Variants in TRIM43B observed in about 807,000 individuals in gnomAD.
The protein encoded by TRIM43B is tripartite motif containing 43B.
Under a neutral mutation model 27.0 loss-of-function variants are expected in TRIM43B, and 15 were observed. That is an observed-to-expected ratio of 0.55 (90% CI 0.37 to 0.85). TRIM43B has a LOEUF of 0.85. Ranked by LOEUF, TRIM43B falls within the 40% of genes least tolerant of loss-of-function variation. The pLI is 0.00. For missense variants in TRIM43B, 172 were observed against 289.8 expected (o/e 0.59, Z 2.95); for synonymous variants, 69 against 97.8 (o/e 0.71, Z 1.74).
chr2:95,484,125 C>A (rs1355572174), intron 1 of TRIM43B, among the ~76,000 whole-genome samples: 6 of 147,996 alleles, frequency 4.1e-5, no homozygotes, highest in African/African-American at 1.5e-4. Flanking sequence ...AATCCCAACA[C>A]TTTCAGAGGC....
chr2:95,484,081 A>G (rs1683591079), intron 1 of TRIM43B, among the ~76,000 whole-genome samples: 1 of 149,842 alleles, frequency 6.7e-6, no homozygotes, highest in African/African-American at 2.4e-5. Context: ...AAAAAAAAAA[A>G]AAAAAAAGGC....
At chr2:95,482,200 C>A in intron 2 of TRIM43B, 104 bp downstream of exon 2, 2 of 1,117,860 alleles carry the variant, frequency 1.8e-6, no homozygotes, top group Non-Finnish European at 1.3e-6. Context: ...CAGCACCTGG[C>A]ACTCAGTAAA....
intron 3 of TRIM43B, 71 bp downstream of exon 3, chr2:95,481,524 A>C (rs1213907039): frequency 8.7e-7 from 1 of 1,151,114 alleles, no homozygotes; most frequent in Non-Finnish European, 1.2e-6. Context: ...TTTCAACTCA[A>C]GTTGCTAATA....
At position 95,481,594 on chromosome 2, in the gene TRIM43B, C is replaced by T; in HGVS notation, c.507+1G>A. 2 of 1,610,676 alleles carry T rather than the reference C, an allele frequency of 1.2e-6. No homozygotes were observed. Among genetic ancestry groups the T allele is most frequent in the South Asian group, 1.1e-5 (1 of 90,352 alleles). On this transcript the variant is annotated splice_donor_variant, in intron 3 of 6. Coordinates refer to ENST00000639673, the Ensembl canonical transcript of TRIM43B. LOFTEE classifies it high-confidence loss of function. The stretch of plus-strand genomic sequence containing the variant: ...AGGAGGACTCACGGTCTCATACTTA[C>T]CCTCAAGAGGAAGGCTGTTCTTCTC...
Position 95,481,584 on chromosome 2 carries a change from C to T in TRIM43B, c.507+11G>A, listed in dbSNP as rs1414523840. On this transcript the variant is annotated intron_variant, in intron 3 of 6. Coordinates refer to ENST00000639673, the Ensembl canonical transcript of TRIM43B. ...CAAGCTGGTCAGGAGGACTCACGGT[C>T]TCATACTTACCCTCAAGAGGAAGGC... The T allele has an allele frequency of 3.1e-6, 5 of 1,607,282 alleles. No individual in the cohort carries two copies. The highest frequency in any genetic ancestry group is 4.2e-6 in the Non-Finnish European group (5 of 1,177,062).
At chr2:95,483,849 AC>A (rs1558814755) in intron 1 of TRIM43B, among the ~76,000 whole-genome samples, 1 of 151,876 alleles carries the variant, frequency 6.6e-6, no homozygotes, top group Non-Finnish European at 1.5e-5. Flanking sequence ...AAAAACAAAA[AC>A]AAAAACGAGG....
chr2:95,480,458 T>C (rs1455649350), exon 4 of TRIM43B: 14 of 1,601,334 alleles, frequency 8.7e-6, no homozygotes, highest in Non-Finnish European at 9.4e-6. Context: ...CTAAATGTTG[T>C]TTTTCTTCCT....
intron 1 of TRIM43B, among the ~76,000 whole-genome samples, chr2:95,483,725 G>A (rs1450469016): frequency 3.9e-5 from 6 of 152,008 alleles, no homozygotes; most frequent in East Asian, 1.9e-4. Flanking sequence ...CTACTCTGGA[G>A]GCGGGGCCTG....
intron 1 of TRIM43B, among the ~76,000 whole-genome samples, chr2:95,483,743 G>A (rs1683580568): frequency 6.6e-6 from 1 of 151,980 alleles, no homozygotes; most frequent in South Asian, 2.1e-4. Context: ...CTGGAGAATG[G>A]CGTGAACCCG....
exon 2 of TRIM43B, chr2:95,482,333 G>A (rs371134371): frequency 2.5e-6 from 4 of 1,611,560 alleles, no homozygotes; most frequent in Admixed American, 1.7e-5. Context: ...TCTTCGATGG[G>A]ATAGTGTTTG....
At chr2:95,483,396 A>T in intron 1 of TRIM43B, among the ~76,000 whole-genome samples, 1 of 152,074 alleles carries the variant, frequency 6.6e-6, no homozygotes, top group Non-Finnish European at 1.5e-5. Context: ...TAATTTGGGG[A>T]TATACTGGTT....
At chr2:95,484,234 T>A (rs1427998494) in intron 1 of TRIM43B, among the ~76,000 whole-genome samples, 1 of 151,494 alleles carries the variant, frequency 6.6e-6, no homozygotes, top group Admixed American at 6.6e-5. Flanking sequence ...TAGATGGGCG[T>A]GGTGGCAGGC....
intron 1 of TRIM43B, 147 bp downstream of exon 1, chr2:95,484,459 A>T (rs1292634904): frequency 7.9e-6 from 1 of 127,078 alleles, no homozygotes; most frequent in Non-Finnish European, 1.7e-5. Flanking sequence ...AAATAATTTT[A>T]AAAAAGAAAT....
At chr2:95,483,858 A>C (rs914802450) in intron 1 of TRIM43B, among the ~76,000 whole-genome samples, 3 of 151,908 alleles carry the variant, frequency 2.0e-5, no homozygotes, top group African/African-American at 7.3e-5. Flanking sequence ...AACAAAAACG[A>C]GGCACTAGAC....
In TRIM43B at chr2:95,482,830, T is replaced by C. The variant is rs1176988011; in HGVS notation, c.-4-112A>G. 10 of 1,522,354 alleles carry C rather than the reference T, an allele frequency of 6.6e-6. 1 individual carries two copies. Among genetic ancestry groups the C allele is most frequent in the African/African-American group, 1.4e-5 (1 of 71,740 alleles). 94.3% of individuals were successfully genotyped at this position (1,522,354 alleles called of 1,614,324 possible). On this transcript the variant is annotated intron_variant, in intron 1 of 6. Coordinates refer to ENST00000639673, the Ensembl canonical transcript of TRIM43B. Reference sequence around the variant, plus strand: ...AATATCCTTTCTTTCTAAAGAAGTATAGGTTTTAATTTGCAATGACAGAAA... The same window carrying C: ...AATATCCTTTCTTTCTAAAGAAGTACAGGTTTTAATTTGCAATGACAGAAA...
Position 95,482,849 on chromosome 2 carries a change from A to G in TRIM43B, c.-4-131T>C, listed in dbSNP as rs1683559980. The G allele has an allele frequency of 1.0e-5, 15 of 1,496,186 alleles. No individual in the cohort carries two copies. The South Asian group carries it at 1.8e-4, about 18-fold the overall frequency. 92.7% of individuals were successfully genotyped at this position (1,496,186 alleles called of 1,614,324 possible). Reference sequence around the variant, plus strand: ...GAAGTATAGGTTTTAATTTGCAATGACAGAAATAGGAAAAATAGAAAACTA... The same window carrying G: ...GAAGTATAGGTTTTAATTTGCAATGGCAGAAATAGGAAAAATAGAAAACTA... On this transcript the variant is annotated intron_variant, in intron 1 of 6. Transcript: ENST00000639673.
chr2:95,482,677 A>G, exon 2 of TRIM43B: 1 of 1,613,808 alleles, frequency 6.2e-7, no homozygotes, highest in Non-Finnish European at 8.5e-7. Flanking sequence ...GACACAGGTG[A>G]GTTCCTTCTG....
Position 95,482,733 on chromosome 2 carries a change from C to T in TRIM43B, c.-4-15G>A. The T allele has an allele frequency of 6.3e-7, 1 of 1,578,160 alleles. No individual in the cohort carries two copies. The highest frequency in any genetic ancestry group is 8.6e-7 in the Non-Finnish European group (1 of 1,166,880). ...AGTCCATTTTCCTAAGGAAAGAAAACCACAGGAATTTAATCTTCTACCCTG... is the reference window on the plus strand; with the variant it reads ...AGTCCATTTTCCTAAGGAAAGAAAATCACAGGAATTTAATCTTCTACCCTG... On this transcript the variant is annotated splice_polypyrimidine_tract_variant and intron_variant, in intron 1 of 6. Coordinates refer to ENST00000639673, the Ensembl canonical transcript of TRIM43B.
chr2:95,484,324 A>G (rs1204665759), intron 1 of TRIM43B, among the ~76,000 whole-genome samples: 2 of 152,022 alleles, frequency 1.3e-5, no homozygotes, highest in Non-Finnish European at 2.9e-5. Flanking sequence ...GTGAGCCAAG[A>G]GCGCCGCCGC....
Sources: allele counts gnomAD v4.1 joint callset (sites outside exome capture counted in the v4.1 genomes callset), GRCh38; gene constraint gnomAD v4.1.1; transcripts MANE v1.5; gene names NCBI Gene and HGNC (gene_info 2026-07-23, HGNC 2026-07-21).